Variants in PBX4 observed in about 807,000 individuals in gnomAD.
PBX4 encodes the protein PBX homeobox 4.
A neutral mutation model predicts 35.1 loss-of-function variants in PBX4; 26 were observed. That is an observed-to-expected ratio of 0.74 (90% CI 0.54 to 1.03). The LOEUF (loss-of-function observed/expected upper bound fraction) is 1.03, where lower values mean the gene tolerates loss of function less well. Ranked by LOEUF, PBX4 falls within the 50% of genes least tolerant of loss-of-function variation. The probability of loss-of-function intolerance (pLI) is 0.00; values close to 1 mark genes in which losing one functional copy is unlikely to be tolerated. For synonymous variants in PBX4, 199 were observed against 204.2 expected (o/e 0.97, Z 0.22); for missense variants, 448 against 504.3 (o/e 0.89, Z 1.07).
chr19:19,575,763 G>A (rs2061415763), intron 2 of PBX4, among the ~76,000 whole-genome samples: 2 of 152,158 alleles, frequency 1.3e-5, no homozygotes, highest in South Asian at 4.1e-4. Context: ...TTCCCTCGCG[G>A]AGCCTTGCAC....
At chr19:19,585,606 A>G (rs2061484099) in intron 2 of PBX4, among the ~76,000 whole-genome samples, 1 of 152,226 alleles carries the variant, frequency 6.6e-6, no homozygotes, top group Non-Finnish European at 1.5e-5. Context: ...GTATACATCC[A>G]GATGGCCTGA....
At chr19:19,600,580 C>T (rs543062705) in intron 1 of PBX4, among the ~76,000 whole-genome samples, 22 of 151,082 alleles carry the variant, frequency 1.5e-4, no homozygotes, top group East Asian at 9.7e-4. Context: ...GCACTTTGGG[C>T]GGCCGAGGCG....
intron 1 of PBX4, among the ~76,000 whole-genome samples, chr19:19,615,322 G>C (rs2061683483): frequency 6.6e-6 from 1 of 151,788 alleles, no homozygotes; most frequent in Non-Finnish European, 1.5e-5. Flanking sequence ...ACTCTAGCCT[G>C]GGTGACAGAG....
In PBX4 at chr19:19,594,586, C is replaced by T. The variant is rs931047378; in HGVS notation, c.193+4706G>A. ...TAACAGACTCATGCAGTAACATCCA[C>T]ACAGGGGCAGATGGAATTATGAAGA... On this transcript the variant is annotated intron_variant, in intron 2 of 7. Transcript: ENST00000251203. Among the ~76,000 whole-genome samples, 17 of 152,240 alleles carry T rather than the reference C, an allele frequency of 1.1e-4. No homozygotes were observed. In the East Asian group the frequency reaches 3.1e-3, roughly 28 times the overall value.
At chr19:19,582,877 C>T (rs912421949) in intron 2 of PBX4, among the ~76,000 whole-genome samples, 2 of 152,230 alleles carry the variant, frequency 1.3e-5, no homozygotes, top group African/African-American at 4.8e-5. Context: ...ACTGCATGCT[C>T]CCCCTTAGGG....
Position 19,605,107 on chromosome 19 carries a change from AC to A in PBX4, c.120-5743del, listed in dbSNP as rs200403035. On this transcript the variant is annotated intron_variant, in intron 1 of 7. Transcript: ENST00000251203. ...GAAGAAACCTGGGGAACATGGTGAA[AC>A]CCCAGCTCTATAAGAAATACAAAAA... Among the ~76,000 whole-genome samples the A allele has an allele frequency of 9.9e-3, 1,498 of 151,656 alleles. 13 individuals are homozygous for A. The highest frequency in any genetic ancestry group is 0.024 in the Middle Eastern group (7 of 294).
Position 19,569,629 on chromosome 19 carries a change from C to T in PBX4, c.633-45G>A, listed in dbSNP as rs768940399. 3 of 1,597,306 alleles carry T rather than the reference C, an allele frequency of 1.9e-6. No individual in the cohort carries two copies. The South Asian group carries it at 3.4e-5, about 18-fold the overall frequency. ...CGTAGGCATTAATATGCTGGGACTC[C>T]AGTACCACCCCCACCTCTAGTTCTG... On this transcript the variant is annotated intron_variant, in intron 4 of 7. Transcript: ENST00000251203.
intron 2 of PBX4, among the ~76,000 whole-genome samples, chr19:19,582,399 T>G (rs2061460747): frequency 1.3e-5 from 2 of 151,924 alleles, no homozygotes; most frequent in Admixed American, 1.3e-4. Context: ...CAGCTGGAAG[T>G]CGAGAGGAAC....
rs112126892 is a variant in PBX4, at chr19:19,613,297, C to T, written c.119+5214G>A. Among the ~76,000 whole-genome samples, 1,056 of 150,866 alleles carry T rather than the reference C, an allele frequency of 7.0e-3. 11 individuals are homozygous for T. The highest frequency in any genetic ancestry group is 0.023 in the African/African-American group (968 of 41,362). On this transcript the variant is annotated intron_variant, in intron 1 of 7. Transcript: ENST00000251203. ...CCTGGCCAACATGGCAAAACCCCGT[C>T]TCTACTAAAAAAATACCAAAATTAG...
intron 1 of PBX4, among the ~76,000 whole-genome samples, chr19:19,612,922 G>A (rs952015130): frequency 6.6e-6 from 1 of 151,622 alleles, no homozygotes; most frequent in Non-Finnish European, 1.5e-5. Flanking sequence ...GGGTTCAATC[G>A]GTTCTCCTGC....
intron 2 of PBX4, chr19:19,588,421 C>T (rs1035960486): frequency 3.2e-6 from 4 of 1,252,496 alleles, no homozygotes; most frequent in African/African-American, 1.5e-5. Context: ...AGCCATAGTT[C>T]CCAACTAAGC....
intron 2 of PBX4, among the ~76,000 whole-genome samples, 161 bp downstream of exon 2, chr19:19,599,131 G>A (rs533995471): frequency 6.6e-6 from 1 of 152,088 alleles, no homozygotes; most frequent in East Asian, 1.9e-4. Flanking sequence ...ACCACGCCTG[G>A]CTAATTTTTG....
chr19:19,565,233 G>T, intron 5 of PBX4, 144 bp from the exon 6 acceptor site: 1 of 1,027,268 alleles, frequency 9.7e-7, no homozygotes, highest in Non-Finnish European at 1.4e-6. Context: ...GTCTGGGACT[G>T]AGAAGGTGGC....
intron 6 of PBX4, among the ~76,000 whole-genome samples, chr19:19,564,538 C>T (rs1405472252): frequency 1.3e-5 from 2 of 152,064 alleles, no homozygotes; most frequent in Non-Finnish European, 1.5e-5. Context: ...AGGTGTGAGG[C>T]ACTGCACCCA....
chr19:19,572,854 C>CAAAAA (rs36044843), intron 2 of PBX4, among the ~76,000 whole-genome samples: 1 of 70,084 alleles, frequency 1.4e-5, no homozygotes. Flanking sequence ...GACTCCGTCT[C>CAAAAA]AAAAAAAAAA....
At chr19:19,586,667 C>T (rs1039921081) in intron 2 of PBX4, among the ~76,000 whole-genome samples, 3 of 151,958 alleles carry the variant, frequency 2.0e-5, no homozygotes, top group Admixed American at 6.6e-5. Context: ...AGCACTTGGC[C>T]GGGCATGATG....
chr19:19,590,893 G>C (rs1026132399), intron 2 of PBX4, among the ~76,000 whole-genome samples: 5 of 152,154 alleles, frequency 3.3e-5, no homozygotes, highest in African/African-American at 1.2e-4. Context: ...GGATGTTCTA[G>C]ACCTTTCTAT....
intron 2 of PBX4, among the ~76,000 whole-genome samples, chr19:19,594,091 A>T (rs1169600673): frequency 1.4e-5 from 2 of 147,600 alleles, no homozygotes; most frequent in Non-Finnish European, 3.0e-5. Flanking sequence ...AATTAAAAAA[A>T]AAAAAAAATA....
intron 5 of PBX4, among the ~76,000 whole-genome samples, chr19:19,566,030 T>G (rs1320135182): frequency 6.6e-6 from 1 of 152,028 alleles, no homozygotes; most frequent in Non-Finnish European, 1.5e-5. Flanking sequence ...CCCAAAATGC[T>G]GGGATTCCAG....
Sources: gnomAD v4.1 joint callset for allele counts (sites outside exome capture counted in the v4.1 genomes callset) on GRCh38, gnomAD v4.1.1 for gene constraint, MANE v1.5 for transcripts, NCBI Gene and HGNC (gene_info 2026-07-23, HGNC 2026-07-21) for gene names.